The following PIGA variants were observed in gnomAD, a reference collection of about 807,000 sequenced individuals.
PIGA encodes phosphatidylinositol N-acetylglucosaminyltransferase subunit A.
In PIGA, 3 loss-of-function variants were observed where a neutral mutation model predicts 17.1. The ratio of observed to expected loss-of-function variants is 0.18; its 90% confidence interval spans 0.08 to 0.45. PIGA has a LOEUF of 0.45. Among genes scored for constraint, PIGA ranks in the 20% least tolerant of loss-of-function variants. PIGA has a pLI of 0.99. For missense variants in PIGA, 231 were observed against 374.1 expected, an observed-to-expected ratio of 0.62 and a Z score of 3.16; for synonymous variants, 126 against 135.1, an observed-to-expected ratio of 0.93 and a Z score of 0.47.
At chrX:15,330,998 T>C (rs893924995) in intron 2 of PIGA, 2 of 356,288 alleles carry the variant, frequency 5.6e-6, no homozygotes, top group Non-Finnish European at 9.7e-6. Flanking sequence ...TTAGTAACCA[T>C]TAAAACATCA....
In PIGA at chrX:15,325,897, A is replaced by G. The variant is rs758986672; in HGVS notation, c.848+17T>C. ...TTGACATCTTCTCCCTCAAGACAACATGAAATTCATCAATACCTGTCATGC... is the reference window on the plus strand; with the variant it reads ...TTGACATCTTCTCCCTCAAGACAACGTGAAATTCATCAATACCTGTCATGC... On this transcript the variant is annotated intron_variant, in intron 3 of 5. Coordinates refer to ENST00000333590, the MANE Select transcript of PIGA (RefSeq NM_002641.4). 1.3e-5 allele frequency: 15 copies of G among 1,186,160 alleles called. No individual in the cohort carries two copies. In the Admixed American group the frequency reaches 1.8e-4, roughly 15 times the overall value.
intron 1 of PIGA, among the ~76,000 whole-genome samples, chrX:15,335,156 G>A (rs1220394717): frequency 8.9e-6 from 1 of 112,420 alleles, no homozygotes; most frequent in Non-Finnish European, 1.9e-5. Context: ...TCGGGCCAAG[G>A]AGGGGATACC....
Position 15,321,701 on chromosome X carries a change from G to A in PIGA, c.1260C>T (p.Cys420=). 16 of 1,207,322 alleles carry A rather than the reference G, an allele frequency of 1.3e-5. No individual in the cohort carries two copies. Among genetic ancestry groups the A allele is most frequent in the East Asian group, 5.9e-5 (2 of 33,815 alleles). Residue 420 remains cysteine, a synonymous_variant, in exon 6 of 6, where the codon TGC becomes TGT. Coordinates refer to ENST00000333590, the MANE Select transcript of PIGA (RefSeq NM_002641.4). ...CAAAGATGTAGCCTGTTACTGGGCC[G>A]CAGTGAGAAATAAGTCTGTCCAGTC... The part of the protein sequence containing the change: ...DKRLDRLISH[C]GPVTGYIFAL...
chrX:15,333,827 G>A (rs985266780), intron 1 of PIGA, among the ~76,000 whole-genome samples: 6 of 112,360 alleles, frequency 5.3e-5, no homozygotes, highest in Non-Finnish European at 1.1e-4. Flanking sequence ...TCAGTGCGGT[G>A]TCTAAAGATA....
chrX:15,335,128 A>T (rs1157898309), intron 1 of PIGA, among the ~76,000 whole-genome samples: 1 of 112,184 alleles, frequency 8.9e-6, no homozygotes, highest in Non-Finnish European at 1.9e-5. Context: ...ATTCCCTGAG[A>T]GGTCGCTGGG....
At chrX:15,330,156 G>C (rs774874699) in intron 2 of PIGA, among the ~76,000 whole-genome samples, 6 of 111,411 alleles carry the variant, frequency 5.4e-5, no homozygotes, top group Admixed American at 9.5e-5. Flanking sequence ...TAGTTTATAG[G>C]AACTATCACT....
chrX:15,322,097 G>A (rs986558809), intron 5 of PIGA, among the ~76,000 whole-genome samples: 4 of 111,410 alleles, frequency 3.6e-5, no homozygotes, highest in Non-Finnish European at 3.8e-5. Context: ...CCAAAGTCCC[G>A]CAAAGTCTGA....
chrX:15,332,635 T>G (rs768601360), intron 1 of PIGA, among the ~76,000 whole-genome samples: 1 of 112,527 alleles, frequency 8.9e-6, no homozygotes, highest in East Asian at 2.8e-4. Flanking sequence ...TTGGACCTGG[T>G]TTAGCCCATA....
At chrX:15,326,268 T>G in intron 2 of PIGA, 1 of 255,972 alleles carries the variant, frequency 3.9e-6, no homozygotes, top group Non-Finnish European at 6.9e-6. Flanking sequence ...TGCATTACCT[T>G]CCACACACCC....
chrX:15,331,949 T>A lies in PIGA; in HGVS notation c.-19A>T, dbSNP rs1162724583. ...AGGCCATGCTGAGACGGTTTAGACA[T>A]CAGTTCTTAGAGCAACCCAGTTAAG... On this transcript the variant is annotated 5_prime_UTR_variant, in exon 2 of 6. An upstream start codon of the reference 5' UTR is lost. Coordinates refer to ENST00000333590, the MANE Select transcript of PIGA (RefSeq NM_002641.4). The A allele has an allele frequency of 4.2e-6, 5 of 1,178,446 alleles. No individual in the cohort carries two copies. The highest frequency in any genetic ancestry group is 2.3e-6 in the Non-Finnish European group (2 of 878,499).
At chrX:15,325,656 T>C in intron 3 of PIGA, 1 of 220,999 alleles carries the variant, frequency 4.5e-6, no homozygotes, top group Non-Finnish European at 8.1e-6. Flanking sequence ...AGCAGCTGTT[T>C]TTTGTGCCTT....
At chrX:15,333,194 C>T (rs1922218446) in intron 1 of PIGA, among the ~76,000 whole-genome samples, 1 of 112,019 alleles carries the variant, frequency 8.9e-6, no homozygotes, top group African/African-American at 3.3e-5. Context: ...ACCATCTGGT[C>T]CTCTACTAAA....
In PIGA at chrX:15,325,137, T is replaced by A; in HGVS notation, c.864A>T (p.Gly288=). The A allele has an allele frequency of 5.9e-6, 7 of 1,188,224 alleles. No homozygotes were observed. Among genetic ancestry groups the A allele is most frequent in the Non-Finnish European group, 7.9e-6 (7 of 885,254 alleles). Residue 288 remains glycine (G), a synonymous_variant, in exon 4 of 6, where the codon GGA becomes GGT. Coordinates refer to ENST00000333590, the MANE Select transcript of PIGA (RefSeq NM_002641.4). ...YQLHDRVRLL[G]ALEHKDVRNV... is the part of the protein sequence containing the mutation. The stretch of plus-strand genomic sequence containing the variant: ...TTCTAACATCCTTGTGTTCTAAAGC[T>A]CCCAAAAGACGCACCCTGATTTTTT...
chrX:15,325,181 G>A, intron 3 of PIGA, 29 bp from the exon 4 acceptor site: 2 of 1,150,618 alleles, frequency 1.7e-6, no homozygotes, highest in Non-Finnish European at 2.3e-6. Context: ...GGGGAAGAAA[G>A]GAGTGAAAAC....
intron 2 of PIGA, chrX:15,327,674 T>G (rs761508674): frequency 8.9e-6 from 1 of 111,984 alleles, no homozygotes; most frequent in East Asian, 2.8e-4. Context: ...TAACATTTAG[T>G]CTCCTACAAT....
At chrX:15,335,547 C>A (rs1922315109), upstream of PIGA, 1 of 961,495 alleles carries the variant, frequency 1.0e-6, no homozygotes, top group Non-Finnish European at 1.3e-6. Context: ...GCGGCTGCAG[C>A]CGGAGTCCCT....
At chrX:15,324,606 G>T in intron 5 of PIGA, 59 bp downstream of exon 5, 1 of 863,292 alleles carries the variant, frequency 1.2e-6, no homozygotes, top group Non-Finnish European at 1.7e-6. Flanking sequence ...AAAAGCAAAT[G>T]TGTACGTGAA....
intron 2 of PIGA, chrX:15,327,152 CG>C (rs1922001834): frequency 1.9e-5 from 2 of 107,686 alleles, no homozygotes; most frequent in Non-Finnish European, 3.8e-5. Flanking sequence ...CCAGCTACTC[CG>C]GAGGCTGAGG....
chrX:15,320,986 C>G lies in PIGA; in HGVS notation c.*520G>C, dbSNP rs1921791501. The stretch of plus-strand genomic sequence containing the variant: ...CTGATGGACTATCTTACTCAAGGAA[C>G]CTGTTAATTACATGTAACACCTACT... On this transcript the variant is annotated 3_prime_UTR_variant, in exon 6 of 6. Transcript: ENST00000333590. 1 of 113,153 alleles carries G rather than the reference C, an allele frequency of 8.8e-6. No homozygotes were observed. Among genetic ancestry groups the G allele is most frequent in the Admixed American group, 9.3e-5 (1 of 10,779 alleles). The allele number at this position is 113,153 out of a possible 1,213,427, so 9.3% of individuals were successfully genotyped here. A position where few individuals can be genotyped will look rare whatever the true frequency, so the allele number is the denominator to read the frequency against.
Sources: allele counts gnomAD v4.1 joint callset (sites outside exome capture counted in the v4.1 genomes callset), GRCh38; gene constraint gnomAD v4.1.1; transcripts MANE v1.5; gene names NCBI Gene and HGNC (gene_info 2026-07-23, HGNC 2026-07-21).